Variants in ODAD2 observed in about 807,000 individuals in gnomAD.
ODAD2 encodes outer dynein arm-docking complex subunit 2.
Under a neutral mutation model 106.8 loss-of-function variants are expected in ODAD2, and 89 were observed. The ratio of observed to expected loss-of-function variants is 0.83; its 90% confidence interval spans 0.70 to 0.99. The LOEUF is 0.99. Ranked by LOEUF, ODAD2 falls within the 50% of genes least tolerant of loss-of-function variation. The pLI, the probability that ODAD2 is intolerant of heterozygous loss-of-function variation, is 0.00. For synonymous variants in ODAD2, 404 were observed against 436.2 expected (o/e 0.93, Z 0.92); for missense variants, 1,168 against 1,238.5 (o/e 0.94, Z 0.85).
chr10:27,961,491 C>G, intron 10 of ODAD2, 77 bp downstream of exon 10: 8 of 1,367,486 alleles, frequency 5.9e-6, no homozygotes, highest in Non-Finnish European at 8.1e-6. Flanking sequence ...GTAAAGTAAA[C>G]TTGGAAGCAG....
At chr10:27,915,984 A>G (rs1844342953) in intron 16 of ODAD2, among the ~76,000 whole-genome samples, 1 of 152,198 alleles carries the variant, frequency 6.6e-6, no homozygotes, top group East Asian at 1.9e-4. Flanking sequence ...AAGAAGGATG[A>G]AGAGAGAATC....
chr10:27,970,119 A>C (rs1024402296), intron 8 of ODAD2, among the ~76,000 whole-genome samples: 7 of 147,972 alleles, frequency 4.7e-5, no homozygotes, highest in African/African-American at 1.7e-4. Flanking sequence ...TAAATAAATA[A>C]ATAAATAAAT....
At chr10:27,979,286 C>T (rs1849391471) in intron 7 of ODAD2, among the ~76,000 whole-genome samples, 1 of 150,866 alleles carries the variant, frequency 6.6e-6, no homozygotes, top group South Asian at 2.1e-4. Context: ...GCTTTTACCA[C>T]TCTTATTCAA....
intron 16 of ODAD2, among the ~76,000 whole-genome samples, chr10:27,915,351 T>C (rs1418127481): frequency 1.3e-5 from 2 of 152,132 alleles, no homozygotes; most frequent in Non-Finnish European, 2.9e-5. Flanking sequence ...GCAGATTCAG[T>C]GTCTAGTGAG....
At chr10:27,999,284 A>T (rs1306756310), upstream of ODAD2, among the ~76,000 whole-genome samples, 1 of 152,208 alleles carries the variant, frequency 6.6e-6, no homozygotes, top group Non-Finnish European at 1.5e-5. Flanking sequence ...CAGAAAACTT[A>T]AAATGGAGCA....
At chr10:27,934,729 C>CA (rs1343725479) in intron 16 of ODAD2, among the ~76,000 whole-genome samples, 3 of 152,074 alleles carry the variant, frequency 2.0e-5, no homozygotes, top group Non-Finnish European at 2.9e-5. Flanking sequence ...CCCTAGGAGA[C>CA]AGAGAAAAGT....
intron 14 of ODAD2, among the ~76,000 whole-genome samples, chr10:27,938,919 T>C (rs540495121): frequency 8.6e-4 from 131 of 152,126 alleles, no homozygotes; most frequent in Non-Finnish European, 1.7e-3. Flanking sequence ...CTTTTTGGCA[T>C]ACTCTCTTGA....
At chr10:27,988,434 C>A (rs1248371639) in intron 2 of ODAD2, among the ~76,000 whole-genome samples, 3 of 150,464 alleles carry the variant, frequency 2.0e-5, no homozygotes, top group Non-Finnish European at 2.9e-5. Context: ...GCCTCCGGAG[C>A]TCAAGCAATC....
At chr10:27,917,963 C>A (rs1041845206) in intron 16 of ODAD2, among the ~76,000 whole-genome samples, 2 of 150,942 alleles carry the variant, frequency 1.3e-5, no homozygotes, top group Admixed American at 6.6e-5. Flanking sequence ...AAAACTGACC[C>A]AAGAAGGAAT....
chr10:27,908,712 A>C (rs1843772045), intron 16 of ODAD2, among the ~76,000 whole-genome samples: 1 of 152,166 alleles, frequency 6.6e-6, no homozygotes, highest in Non-Finnish European at 1.5e-5. Context: ...TTGAAAATTG[A>C]CGTAAAAACA....
Position 27,987,555 on chromosome 10 carries a change from A to C in ODAD2, c.225-12T>G. On this transcript the variant is annotated splice_polypyrimidine_tract_variant and intron_variant, in intron 2 of 19. Transcript: ENST00000305242. ...TGACTGTTGTTTCACTAAAAAATAA[A>C]AATAAAAAATTGAAAGCTTCATGCT... 2 of 1,595,668 alleles carry C rather than the reference A, an allele frequency of 1.3e-6. No individual in the cohort carries two copies. Among genetic ancestry groups the C allele is most frequent in the East Asian group, 4.5e-5 (2 of 44,588 alleles).
rs554082231 is a variant in ODAD2, at chr10:27,988,608, G to A, written c.225-1065C>T. Among the ~76,000 whole-genome samples, 7 of 152,148 alleles carry A rather than the reference G, an allele frequency of 4.6e-5. No individual in the cohort carries two copies. In the South Asian group the frequency reaches 1.5e-3, roughly 32 times the overall value. ...ACACCTCGACCTCCCAAAGTACTGG[G>A]ATTACAGGCGTGAGCTACCACACCT... On this transcript the variant is annotated intron_variant, in intron 2 of 19. Transcript: ENST00000305242.
chr10:27,851,301 A>G (rs983021184), intron 19 of ODAD2, among the ~76,000 whole-genome samples: 2 of 152,168 alleles, frequency 1.3e-5, no homozygotes, highest in African/African-American at 2.4e-5. Flanking sequence ...TGAAAGGATC[A>G]AATTGTTTCA....
At chr10:27,904,190 G>A (rs1843416882) in intron 17 of ODAD2, 4 of 292,558 alleles carry the variant, frequency 1.4e-5, no homozygotes, top group South Asian at 3.7e-5. Flanking sequence ...AGCTTTCCAC[G>A]TGATAGGGCT....
At chr10:27,954,259 A>G (rs1847563199) in intron 10 of ODAD2, among the ~76,000 whole-genome samples, 1 of 152,146 alleles carries the variant, frequency 6.6e-6, no homozygotes, top group African/African-American at 2.4e-5. Context: ...CTCTTCTCCA[A>G]TCTACTTAGC....
At chr10:27,926,109 G>C (rs1845243602) in intron 16 of ODAD2, among the ~76,000 whole-genome samples, 1 of 151,954 alleles carries the variant, frequency 6.6e-6, no homozygotes, top group African/African-American at 2.4e-5. Flanking sequence ...AGTCTTTGTG[G>C]GCCATCCATT....
intron 19 of ODAD2, among the ~76,000 whole-genome samples, chr10:27,822,184 G>C (rs541669008): frequency 6.6e-6 from 1 of 152,220 alleles, no homozygotes; most frequent in East Asian, 1.9e-4. Context: ...TGTGACAAAG[G>C]TAGCATGGGA....
intron 17 of ODAD2, among the ~76,000 whole-genome samples, chr10:27,876,019 G>C (rs1474942399): frequency 1.3e-5 from 2 of 152,300 alleles, no homozygotes; most frequent in Middle Eastern, 3.4e-3. Context: ...CCATTGCTGA[G>C]GCTTGAGTAG....
intron 9 of ODAD2, among the ~76,000 whole-genome samples, chr10:27,964,090 C>T (rs1486483583): frequency 3.9e-5 from 6 of 152,072 alleles, no homozygotes; most frequent in Admixed American, 6.6e-5. Flanking sequence ...GGTATGGTGG[C>T]GTGTGCCTCT....
Sources: gnomAD v4.1 joint callset for allele counts (sites outside exome capture counted in the v4.1 genomes callset) on GRCh38, gnomAD v4.1.1 for gene constraint, MANE v1.5 for transcripts, NCBI Gene and HGNC (gene_info 2026-07-23, HGNC 2026-07-21) for gene names.